The following ITPR1 variants were observed in gnomAD, a reference collection of about 807,000 sequenced individuals.
ITPR1 encodes inositol 1,4,5-trisphosphate receptor type 1.
ITPR1 carries 96 observed loss-of-function variants against 318.4 expected under a neutral mutation model. The ratio of observed to expected loss-of-function variants is 0.30; its 90% confidence interval spans 0.26 to 0.36. The LOEUF (loss-of-function observed/expected upper bound fraction) is 0.36. ITPR1 is among the 10% of genes least tolerant of loss of function. The pLI, the probability that ITPR1 is intolerant of heterozygous loss-of-function variation, is 1.00. For missense variants in ITPR1, 2,440 were observed against 3,460.2 expected, an observed-to-expected ratio of 0.71 and a Z score of 7.40; for synonymous variants, 1,312 against 1,289.9, an observed-to-expected ratio of 1.02 and a Z score of -0.37.
At chr3:4,598,102 G>A (rs2090991719) in intron 4 of ITPR1, among the ~76,000 whole-genome samples, 1 of 152,144 alleles carries the variant, frequency 6.6e-6, no homozygotes, top group Non-Finnish European at 1.5e-5. Flanking sequence ...GGGTCTATGG[G>A]GCCTTGCATG....
At chr3:4,595,249 G>T (rs898145088) in intron 4 of ITPR1, among the ~76,000 whole-genome samples, 2 of 152,218 alleles carry the variant, frequency 1.3e-5, no homozygotes, top group Non-Finnish European at 2.9e-5. Flanking sequence ...GCTGGCATCT[G>T]CTCGGCTTCT....
chr3:4,516,624 G>C, intron 3 of ITPR1, 41 bp downstream of exon 3: 1 of 1,233,634 alleles, frequency 8.1e-7, no homozygotes, highest in Non-Finnish European at 1.2e-6. Flanking sequence ...GTTTGTTTAA[G>C]ACATCATAAC....
intron 61 of ITPR1, among the ~76,000 whole-genome samples, chr3:4,840,028 G>GTTT (rs1392825356): frequency 9.5e-5 from 4 of 42,176 alleles, no homozygotes; most frequent in Non-Finnish European, 1.4e-4. Flanking sequence ...CAGCATAGCT[G>GTTT]CTTTTTTTTT....
intron 42 of ITPR1, among the ~76,000 whole-genome samples, chr3:4,729,587 G>A (rs1055765019): frequency 6.6e-6 from 1 of 152,166 alleles, no homozygotes; most frequent in Non-Finnish European, 1.5e-5. Flanking sequence ...TTAGTGCCTT[G>A]TTCAACACTG....
intron 2 of ITPR1, among the ~76,000 whole-genome samples, chr3:4,508,306 C>T (rs1271859337): frequency 6.6e-6 from 1 of 152,082 alleles, no homozygotes; most frequent in Non-Finnish European, 1.5e-5. Context: ...AGTATAAAGT[C>T]AATTTCTCAT....
intron 44 of ITPR1, among the ~76,000 whole-genome samples, chr3:4,763,816 C>T (rs760305992): frequency 2.0e-5 from 3 of 152,222 alleles, no homozygotes; most frequent in African/African-American, 4.8e-5. Flanking sequence ...TTGGGTCACC[C>T]GATTGGCCGT....
chr3:4,794,967 G>A (rs2047804054), intron 52 of ITPR1, 98 bp from the exon 53 acceptor site: 1 of 1,336,568 alleles, frequency 7.5e-7, no homozygotes, highest in African/African-American at 1.5e-5. Flanking sequence ...GAACAAAAGT[G>A]GACTTGTGGG....
At chr3:4,636,501 T>C (rs2093194385) in intron 5 of ITPR1, among the ~76,000 whole-genome samples, 1 of 152,218 alleles carries the variant, frequency 6.6e-6, no homozygotes, top group Admixed American at 6.5e-5. Context: ...CTATCTCAGC[T>C]CTTTGCAACC....
intron 40 of ITPR1, among the ~76,000 whole-genome samples, chr3:4,719,394 G>A (rs1048747334): frequency 1.3e-5 from 2 of 152,210 alleles, no homozygotes; most frequent in Admixed American, 6.5e-5. Flanking sequence ...CGTTCTGGAA[G>A]CTACCACAGC....
At chr3:4,657,386 G>GTTTTTTTTTT (rs112693174) in intron 12 of ITPR1, among the ~76,000 whole-genome samples, 6 of 133,230 alleles carry the variant, frequency 4.5e-5, no homozygotes, top group African/African-American at 1.8e-4. Context: ...TGTACCTAGA[G>GTTTTTTTTTT]TTTTTTTTTT....
intron 4 of ITPR1, among the ~76,000 whole-genome samples, chr3:4,546,702 G>A (rs909055550): frequency 2.6e-5 from 4 of 151,724 alleles, no homozygotes; most frequent in African/African-American, 9.7e-5. Flanking sequence ...TAATGGCAGA[G>A]GTGTAGGGTG....
chr3:4,735,107 C>T (rs1174778151), intron 43 of ITPR1, 57 bp from the exon 44 acceptor site: 11 of 1,383,320 alleles, frequency 8.0e-6, no homozygotes, highest in Non-Finnish European at 2.0e-6. Context: ...AGTAAGTATG[C>T]AGCAAACATT....
At chr3:4,631,851 A>G (rs930151659) in intron 5 of ITPR1, among the ~76,000 whole-genome samples, 3 of 152,166 alleles carry the variant, frequency 2.0e-5, no homozygotes, top group Admixed American at 1.3e-4. Flanking sequence ...CAGTGATGCC[A>G]TCATGGCTCA....
chr3:4,526,639 C>T (rs1249032525), intron 4 of ITPR1, among the ~76,000 whole-genome samples: 1 of 152,236 alleles, frequency 6.6e-6, no homozygotes, highest in African/African-American at 2.4e-5. Context: ...TTTGAATTAT[C>T]TCTTTTAATC....
At chr3:4,505,390 G>A (rs1207179221) in intron 2 of ITPR1, among the ~76,000 whole-genome samples, 2 of 152,100 alleles carry the variant, frequency 1.3e-5, no homozygotes, top group Admixed American at 6.5e-5. Context: ...ACGGGGTTTC[G>A]CCATGTTGGC....
rs1285382437 is a variant in ITPR1, at chr3:4,652,225, A to T, written c.951+7A>T. On this transcript the variant is annotated splice_region_variant and intron_variant, in intron 11 of 61. Transcript: ENST00000649015. ...GCATTACTTGGCAGCAGAGGTAAGTAGCAGCTCCTGTGGTTTTCTCTTTCA... is the reference window on the plus strand; with the variant it reads ...GCATTACTTGGCAGCAGAGGTAAGTTGCAGCTCCTGTGGTTTTCTCTTTCA... 2.5e-6 allele frequency: 4 copies of T among 1,602,870 alleles called. No homozygotes were observed. The highest frequency in any genetic ancestry group is 3.4e-6 in the Non-Finnish European group (4 of 1,172,874).
chr3:4,781,664 G>A (rs560405365), intron 49 of ITPR1, among the ~76,000 whole-genome samples: 6 of 152,120 alleles, frequency 3.9e-5, no homozygotes, highest in Non-Finnish European at 7.4e-5. Flanking sequence ...TTATCTCCTT[G>A]ACTCTACTTC....
At chr3:4,583,616 GC>G (rs980927074) in intron 4 of ITPR1, among the ~76,000 whole-genome samples, 191 of 152,322 alleles carry the variant, frequency 1.3e-3, no homozygotes, top group African/African-American at 4.3e-3. Flanking sequence ...TACAGCTTGA[GC>G]CTGTTCCTCC....
rs373156297 is a variant in ITPR1 at position 4,579,400 on chromosome 3, T to C, written c.164-48363T>C. ...TACTAAATGGCTGAATATGTATATA[T>C]GTATAACATATATTATACAGCTTAA... On this transcript the variant is annotated intron_variant, in intron 4 of 61. Coordinates refer to ENST00000649015, the MANE Select transcript of ITPR1 (RefSeq NM_001378452.1). Among the ~76,000 whole-genome samples, 27 of 152,368 alleles carry C rather than the reference T, an allele frequency of 1.8e-4. No homozygotes were observed. In the East Asian group the frequency reaches 5.0e-3, roughly 28 times the overall value.
Sources: gnomAD v4.1 joint callset for allele counts (sites outside exome capture counted in the v4.1 genomes callset) on GRCh38, gnomAD v4.1.1 for gene constraint, MANE v1.5 for transcripts, NCBI Gene and HGNC (gene_info 2026-07-23, HGNC 2026-07-21) for gene names.